Variants in RGS20 observed in about 807,000 individuals in gnomAD.
RGS20 encodes gz-selective GTPase-activating protein.
A neutral mutation model predicts 33.6 loss-of-function variants in RGS20; 30 were observed. The observed-to-expected ratio is 0.89, with a 90% CI of 0.67 to 1.21. RGS20 has a LOEUF of 1.21. Among genes scored for constraint, RGS20 ranks in the 50% most tolerant of loss-of-function variants. The pLI is 0.00. For missense variants in RGS20, 472 were observed against 502.4 expected, an observed-to-expected ratio of 0.94 and a Z score of 0.58; for synonymous variants, 208 against 197.9, an observed-to-expected ratio of 1.05 and a Z score of -0.43.
intron 1 of RGS20, among the ~76,000 whole-genome samples, chr8:53,860,443 A>G (rs1053376434): frequency 6.6e-6 from 1 of 152,242 alleles, no homozygotes; most frequent in Non-Finnish European, 1.5e-5. Flanking sequence ...TATGCAAGAC[A>G]TTGTCTCAAC....
At chr8:53,928,809 G>T (rs1447678979) in intron 2 of RGS20, among the ~76,000 whole-genome samples, 1 of 149,872 alleles carries the variant, frequency 6.7e-6, no homozygotes, top group Non-Finnish European at 1.5e-5. Flanking sequence ...GGCAACAAGA[G>T]TAAAACTCCG....
chr8:53,946,761 G>C lies in RGS20; in HGVS notation c.743+13G>C. On this transcript the variant is annotated intron_variant, in intron 4 of 5. Transcript: ENST00000297313. Reference sequence around the variant, plus strand: ...CCTGGGAAGAAAGGTGAAATCACACGTTTTTTTTACCTCACTAAACTAACA... The same window carrying C: ...CCTGGGAAGAAAGGTGAAATCACACCTTTTTTTTACCTCACTAAACTAACA... The C allele has an allele frequency of 1.2e-6, 2 of 1,606,438 alleles. No individual in the cohort carries two copies. Among genetic ancestry groups the C allele is most frequent in the Non-Finnish European group, 1.7e-6 (2 of 1,174,954 alleles).
rs1199337873 is a variant in RGS20, at chr8:53,851,910, T to C, written c.11T>C (p.Leu4Pro). The change falls in exon 1 of 6, where the codon CTT (leucine) becomes CCT (proline). Residue 4 changes from leucine (L) to proline (P), a missense_variant. Physicochemically the swap from Leu to Pro is moderately conservative, Grantham distance 98. This residue lies in a region of RGS20 where 28 missense variants were observed against 49.6 expected (regional missense o/e 0.57). Coordinates refer to ENST00000297313, the MANE Select transcript of RGS20 (RefSeq NM_170587.4). ...CTTTATTGTGAAAACATGCCCCAGC[T>C]TTCCCAAGATAACCAAGAGTGCCTC... 1.2e-6 allele frequency: 2 copies of C among 1,613,950 alleles called. No homozygotes were observed. The highest frequency in any genetic ancestry group is 1.7e-6 in the Non-Finnish European group (2 of 1,180,010).
intron 2 of RGS20, among the ~76,000 whole-genome samples, chr8:53,899,708 T>C (rs916423932): frequency 6.6e-6 from 1 of 152,230 alleles, no homozygotes; most frequent in African/African-American, 2.4e-5. Flanking sequence ...CTCAGCATCC[T>C]GTTTGCACAG....
intron 1 of RGS20, among the ~76,000 whole-genome samples, chr8:53,855,500 C>A (rs1027682421): frequency 2.0e-5 from 3 of 152,150 alleles, no homozygotes; most frequent in Non-Finnish European, 4.4e-5. Flanking sequence ...GGTGATGAAC[C>A]AGTTCTGTGT....
intron 2 of RGS20, among the ~76,000 whole-genome samples, chr8:53,938,712 A>G (rs1905359): frequency 0.049 from 7,455 of 152,254 alleles, 474 homozygotes; most frequent in African/African-American, 0.14. Flanking sequence ...TTAGCTTGCA[A>G]TTAGCTCCAT....
chr8:53,922,577 C>T (rs1210678300), intron 2 of RGS20, among the ~76,000 whole-genome samples: 3 of 152,088 alleles, frequency 2.0e-5, no homozygotes, highest in Admixed American at 2.0e-4. Flanking sequence ...ACTCTGTTCT[C>T]TTTTCCTCCC....
intron 4 of RGS20, among the ~76,000 whole-genome samples, chr8:53,952,908 G>A (rs1226716717): frequency 2.6e-5 from 4 of 152,144 alleles, no homozygotes; most frequent in Non-Finnish European, 5.9e-5. Flanking sequence ...CCAAAATCAA[G>A]TATAGCAGTT....
rs1369125826 is a variant in RGS20, at chr8:53,959,078, C to G, written c.*620C>G. On this transcript the variant is annotated 3_prime_UTR_variant, in exon 6 of 6. Transcript: ENST00000297313. ...GAAAGCACTGTGCTCTGAAGTGGAT[C>G]AGTCTCAAGTGTCTGGTAACAGCAG... The G allele has an allele frequency of 1.3e-5, 2 of 152,192 alleles. No individual in the cohort carries two copies. The highest frequency in any genetic ancestry group is 2.9e-5 in the Non-Finnish European group (2 of 68,044). 9.4% of individuals were successfully genotyped at this position (152,192 alleles called of 1,614,324 possible). A position where few individuals can be genotyped will look rare whatever the true frequency, so the allele number is the denominator to read the frequency against.
At chr8:53,878,902 A>G (rs1225703025) in intron 1 of RGS20, among the ~76,000 whole-genome samples, 2 of 152,208 alleles carry the variant, frequency 1.3e-5, no homozygotes, top group Non-Finnish European at 2.9e-5. Flanking sequence ...CGATGTGAAC[A>G]CAGACCCTTC....
chr8:53,880,927 G>A (rs1812349376), intron 2 of RGS20: 2 of 1,549,930 alleles, frequency 1.3e-6, no homozygotes, highest in African/African-American at 2.7e-5. Context: ...ACCGAGAGCC[G>A]GAGAAAGGCG....
chr8:53,906,090 G>C (rs1563383274), intron 2 of RGS20, among the ~76,000 whole-genome samples: 2 of 152,150 alleles, frequency 1.3e-5, no homozygotes, highest in South Asian at 4.1e-4. Flanking sequence ...CCAACTTTAA[G>C]ACCAAGTATT....
chr8:53,866,692 CT>C (rs1478530330), intron 1 of RGS20, among the ~76,000 whole-genome samples: 1 of 152,082 alleles, frequency 6.6e-6, no homozygotes, highest in Non-Finnish European at 1.5e-5. Flanking sequence ...TCACATTTAC[CT>C]TTTAGAAAGA....
intron 2 of RGS20, among the ~76,000 whole-genome samples, chr8:53,928,500 A>G (rs757977344): frequency 3.9e-4 from 60 of 152,304 alleles, no homozygotes; most frequent in Non-Finnish European, 7.3e-4. Flanking sequence ...AGTCTTAATA[A>G]CAGTCTCTTC....
At chr8:53,853,664 G>A (rs1056481391) in intron 1 of RGS20, among the ~76,000 whole-genome samples, 2 of 152,198 alleles carry the variant, frequency 1.3e-5, no homozygotes, top group East Asian at 3.8e-4. Context: ...AGATACCATT[G>A]AATCCTTACT....
chr8:53,879,086 T>C (rs891459829), intron 1 of RGS20, among the ~76,000 whole-genome samples: 3 of 152,080 alleles, frequency 2.0e-5, no homozygotes, highest in Non-Finnish European at 4.4e-5. Context: ...AGTTAGGAAA[T>C]ACAGGAGTGG....
intron 2 of RGS20, among the ~76,000 whole-genome samples, chr8:53,895,963 T>G (rs1156810637): frequency 6.6e-6 from 1 of 151,440 alleles, no homozygotes; most frequent in African/African-American, 2.4e-5. Context: ...GGTTTTTACA[T>G]TTTTTAATTG....
At chr8:53,896,151 G>A (rs894277129) in intron 2 of RGS20, among the ~76,000 whole-genome samples, 1 of 152,120 alleles carries the variant, frequency 6.6e-6, no homozygotes, top group African/African-American at 2.4e-5. Context: ...GTGGTGGCAT[G>A]AGCCTTAGTC....
At chr8:53,905,536 G>A (rs112899381) in intron 2 of RGS20, among the ~76,000 whole-genome samples, 2 of 152,084 alleles carry the variant, frequency 1.3e-5, no homozygotes, top group African/African-American at 4.8e-5. Flanking sequence ...ACTTAGAATC[G>A]CCTCATCTCA....
Sources: gnomAD v4.1 joint callset for allele counts (sites outside exome capture counted in the v4.1 genomes callset) on GRCh38, gnomAD v4.1.1 for gene constraint, gnomAD v4.1.1 regional missense constraint, MANE v1.5 for transcripts, NCBI Gene and HGNC (gene_info 2026-07-23, HGNC 2026-07-21) for gene names.